MPRIP: variants seen among roughly 807,000 people sequenced by gnomAD.
MPRIP encodes the protein myosin phosphatase Rho-interacting protein.
In MPRIP, 59 loss-of-function variants were observed where a neutral mutation model predicts 234.9. The ratio of observed to expected loss-of-function variants is 0.25; its 90% CI spans 0.20 to 0.31. The LOEUF (loss-of-function observed/expected upper bound fraction) is 0.31, where lower values mean the gene tolerates loss of function less well. MPRIP is among the 10% of genes least tolerant of loss of function. MPRIP has a pLI of 1.00. For synonymous variants in MPRIP, 1,144 were observed against 1,263.9 expected (o/e 0.91, Z 2.01); for missense variants, 2,436 against 3,071.0 (o/e 0.79, Z 4.89).
intron 7 of MPRIP, among the ~76,000 whole-genome samples, chr17:17,140,379 TG>T (rs144407220): frequency 6.6e-6 from 1 of 152,276 alleles, no homozygotes; most frequent in African/African-American, 2.4e-5. Flanking sequence ...TTTCACCTGG[TG>T]CTGGCCCCAC....
intron 23 of MPRIP, chr17:17,180,725 C>T: frequency 6.7e-7 from 1 of 1,483,306 alleles, no homozygotes; most frequent in South Asian, 1.1e-5. Flanking sequence ...TGGCAAACGC[C>T]TGTGTCATGG....
At chr17:17,067,313 A>G (rs990863393) in intron 1 of MPRIP, among the ~76,000 whole-genome samples, 24 of 152,006 alleles carry the variant, frequency 1.6e-4, no homozygotes, top group African/African-American at 5.8e-4. Context: ...TGTCATCACT[A>G]CTCTTGTGCT....
At chr17:17,090,612 TGA>T (rs2089692755) in intron 3 of MPRIP, among the ~76,000 whole-genome samples, 1 of 152,182 alleles carries the variant, frequency 6.6e-6, no homozygotes, top group Non-Finnish European at 1.5e-5. Context: ...CTCTGGACAC[TGA>T]GTACAGTTTT....
chr17:17,074,718 T>G (rs962746273), intron 1 of MPRIP, among the ~76,000 whole-genome samples: 1 of 152,218 alleles, frequency 6.6e-6, no homozygotes, highest in African/African-American at 2.4e-5. Context: ...ACCATTTGCA[T>G]AAGTGGAATT....
At chr17:17,086,204 G>A (rs1022088764) in intron 3 of MPRIP, among the ~76,000 whole-genome samples, 1 of 152,138 alleles carries the variant, frequency 6.6e-6, no homozygotes, top group East Asian at 1.9e-4. Context: ...GGCTGGGTCC[G>A]GAGCACAGTC....
At chr17:17,075,612 G>A (rs1371165905) in intron 1 of MPRIP, 98 bp from the exon 2 acceptor site, 5 of 1,018,856 alleles carry the variant, frequency 4.9e-6, no homozygotes, top group African/African-American at 3.2e-5. Flanking sequence ...CAGAGCAGAG[G>A]CAACATCTGT....
At chr17:17,128,782 A>C (rs764215745) in intron 4 of MPRIP, among the ~76,000 whole-genome samples, 2 of 152,086 alleles carry the variant, frequency 1.3e-5, no homozygotes, top group Non-Finnish European at 2.9e-5. Flanking sequence ...GGTGTGGCCT[A>C]TGCACCCTGG....
intron 1 of MPRIP, among the ~76,000 whole-genome samples, chr17:17,056,525 G>T (rs1409105206): frequency 1.3e-5 from 2 of 152,186 alleles, no homozygotes; most frequent in African/African-American, 2.4e-5. Flanking sequence ...TGGGAGTTGG[G>T]GGTAGTTTAC....
At chr17:17,135,505 G>A (rs182251033) in intron 5 of MPRIP, among the ~76,000 whole-genome samples, 88 of 152,324 alleles carry the variant, frequency 5.8e-4, no homozygotes, top group African/African-American at 1.9e-3. Flanking sequence ...AAATACCACA[G>A]GCTAGTCAGC....
chr17:17,136,642 G>A (rs1200672002), intron 6 of MPRIP, among the ~76,000 whole-genome samples, 192 bp downstream of exon 6: 1 of 152,234 alleles, frequency 6.6e-6, no homozygotes, highest in Non-Finnish European at 1.5e-5. Context: ...TCTTGGCCTT[G>A]CCCCTTCTAG....
At chr17:17,171,333 G>A in intron 16 of MPRIP, 1 of 180,990 alleles carries the variant, frequency 5.5e-6, no homozygotes, top group Non-Finnish European at 1.2e-5. Context: ...GCCAGCCTCT[G>A]CCCACGTGCT....
chr17:17,050,174 G>A (rs1208969349), intron 1 of MPRIP, among the ~76,000 whole-genome samples: 1 of 152,104 alleles, frequency 6.6e-6, no homozygotes, highest in African/African-American at 2.4e-5. Context: ...AATTAATCGG[G>A]CGTGGTGGTG....
rs1040833071 is a variant in MPRIP, at chr17:17,098,884, A to G, written c.267+20808A>G. On this transcript the variant is annotated intron_variant, in intron 3 of 23. Transcript: ENST00000651222. ...CCCCAGCATTGGATGCCTGCCTAAT[A>G]GAGGCTTTATTTATCTCCACATTTT... Among the ~76,000 whole-genome samples, 12 of 152,216 alleles carry G rather than the reference A, an allele frequency of 7.9e-5. 1 individual carries two copies. In the Middle Eastern group the frequency reaches 0.014, roughly 173 times the overall value.
At chr17:17,163,710 C>T (rs890854929) in intron 15 of MPRIP, among the ~76,000 whole-genome samples, 5 of 152,140 alleles carry the variant, frequency 3.3e-5, no homozygotes, top group Admixed American at 3.3e-4. Flanking sequence ...GTCAAGACTG[C>T]GTACTTTTTG....
rs1316485526 is a variant in MPRIP, at chr17:17,173,521, C to T, written c.6591-395C>T. Among the ~76,000 whole-genome samples, 3 of 152,234 alleles carry T rather than the reference C, an allele frequency of 2.0e-5. No homozygotes were observed. The East Asian group carries it at 5.8e-4, about 29-fold the overall frequency. ...CCTGGATCCAGGGTGGCAGAACAGC[C>T]TCAGGAAGCTTGGGTTTTTGGGTCT... is the stretch of plus-strand genomic sequence containing the variant. On this transcript the variant is annotated intron_variant, in intron 18 of 23. Coordinates refer to ENST00000651222, the MANE Select transcript of MPRIP (RefSeq NM_001364716.4).
At chr17:17,087,083 A>G (rs1030970738) in intron 3 of MPRIP, among the ~76,000 whole-genome samples, 6 of 152,288 alleles carry the variant, frequency 3.9e-5, no homozygotes, top group East Asian at 1.9e-4. Context: ...CATTTCCCAC[A>G]CTGAAAGAAT....
chr17:17,175,237 A>T (rs765069137), intron 19 of MPRIP, 56 bp from the exon 20 acceptor site: 28 of 1,610,926 alleles, frequency 1.7e-5, no homozygotes, highest in Non-Finnish European at 2.4e-5. Context: ...GGGTTGTGTC[A>T]TGCGACTTGG....
At chr17:17,110,173 C>T (rs1329325773) in intron 3 of MPRIP, among the ~76,000 whole-genome samples, 1 of 152,114 alleles carries the variant, frequency 6.6e-6, no homozygotes, top group Non-Finnish European at 1.5e-5. Context: ...CTCCCGCCCT[C>T]CTCTCTGACC....
intron 19 of MPRIP, among the ~76,000 whole-genome samples, chr17:17,174,401 A>G (rs756046894): frequency 2.6e-5 from 4 of 151,588 alleles, no homozygotes; most frequent in African/African-American, 4.9e-5. Context: ...GCTCCTCTGA[A>G]CCTCTGGCTC....
Sources: gnomAD v4.1 joint callset for allele counts (sites outside exome capture counted in the v4.1 genomes callset) on GRCh38, gnomAD v4.1.1 for gene constraint, MANE v1.5 for transcripts, NCBI Gene and HGNC (gene_info 2026-07-23, HGNC 2026-07-21) for gene names.